Variants in CMSS1 observed in about 807,000 individuals in gnomAD.
CMSS1 encodes the protein cms1 ribosomal small subunit homolog, also known as protein CMSS1.
In CMSS1, 33 loss-of-function variants were observed where a neutral mutation model predicts 43.5. The observed-to-expected ratio is 0.76, with a 90% confidence interval of 0.57 to 1.01. The LOEUF (loss-of-function observed/expected upper bound fraction) is 1.01. CMSS1 is among the 50% of genes least tolerant of loss of function. The pLI is 0.00. For synonymous variants in CMSS1, 115 were observed against 117.2 expected (o/e 0.98, Z 0.12); for missense variants, 313 against 326.4 (o/e 0.96, Z 0.32).
chr3:99,902,999 T>C (rs1286447014), intron 1 of CMSS1, among the ~76,000 whole-genome samples: 1 of 152,182 alleles, frequency 6.6e-6, no homozygotes, highest in Admixed American at 6.5e-5. Context: ...TGAGGTTTCA[T>C]GATTAAGGAT....
chr3:100,023,747 G>A (rs775176548), intron 1 of CMSS1, among the ~76,000 whole-genome samples: 2 of 152,100 alleles, frequency 1.3e-5, no homozygotes, highest in Non-Finnish European at 2.9e-5. Flanking sequence ...TCTCGCCATT[G>A]CAAACTAGTA....
intron 1 of CMSS1, among the ~76,000 whole-genome samples, chr3:99,978,793 G>A (rs937954983): frequency 2.6e-5 from 4 of 152,080 alleles, no homozygotes; most frequent in Non-Finnish European, 5.9e-5. Flanking sequence ...GCTGAGGCAC[G>A]AGAGTCACTT....
intron 1 of CMSS1, among the ~76,000 whole-genome samples, chr3:99,829,025 G>T (rs1046940215): frequency 6.6e-6 from 1 of 151,972 alleles, no homozygotes; most frequent in African/African-American, 2.4e-5. Flanking sequence ...CAGGGGCCTG[G>T]GGGTGTTTGT....
intron 1 of CMSS1, among the ~76,000 whole-genome samples, chr3:99,957,693 C>CTTTTTTTTTTTTTT (rs779350496): frequency 0.011 from 210 of 19,846 alleles, 35 homozygotes; most frequent in South Asian, 0.014. Flanking sequence ...TTCTTTCTTT[C>CTTTTTTTTTTTTTT]TTTTTTTTTT....
chr3:100,087,766 C>T (rs1289456308), intron 1 of CMSS1, among the ~76,000 whole-genome samples: 2 of 150,412 alleles, frequency 1.3e-5, no homozygotes, highest in Non-Finnish European at 2.9e-5. Flanking sequence ...GACTGTGCTT[C>T]TGGTATTGTA....
chr3:99,859,816 C>CT (rs1559663430), intron 1 of CMSS1, among the ~76,000 whole-genome samples: 2 of 152,120 alleles, frequency 1.3e-5, no homozygotes, highest in African/African-American at 4.8e-5. Context: ...GCTTTCCTCC[C>CT]TGCTTTTTCT....
intron 1 of CMSS1, among the ~76,000 whole-genome samples, chr3:100,003,270 C>T (rs1709894916): frequency 1.3e-5 from 2 of 152,188 alleles, no homozygotes; most frequent in South Asian, 4.1e-4. Flanking sequence ...TGGCAAGTTA[C>T]ACATTGACTC....
chr3:99,839,776 T>C (rs1396455188), intron 1 of CMSS1, among the ~76,000 whole-genome samples: 1 of 152,232 alleles, frequency 6.6e-6, no homozygotes, highest in Non-Finnish European at 1.5e-5. Context: ...GAAACAATTA[T>C]GCAACAAAAC....
chr3:100,021,866 C>A (rs1187370821), intron 1 of CMSS1, among the ~76,000 whole-genome samples: 3 of 148,920 alleles, frequency 2.0e-5, no homozygotes, highest in Non-Finnish European at 4.4e-5. Flanking sequence ...GGAAGAATAG[C>A]TGATACTTTA....
Position 99,904,050 on chromosome 3 carries a change from A to G in CMSS1, c.64+86007A>G, listed in dbSNP as rs566444944. Among the ~76,000 whole-genome samples, 4 of 152,314 alleles carry G rather than the reference A, an allele frequency of 2.6e-5. No individual in the cohort carries two copies. The East Asian group carries it at 5.8e-4, about 22-fold the overall frequency. Reference sequence around the variant, plus strand: ...CTTGTTTTTCTAAGCAAACACTCCTATTTCAGAATCTGATTGGACCTTAAA... The same window carrying G: ...CTTGTTTTTCTAAGCAAACACTCCTGTTTCAGAATCTGATTGGACCTTAAA... On this transcript the variant is annotated intron_variant, in intron 1 of 9. Coordinates refer to ENST00000421999, the MANE Select transcript of CMSS1 (RefSeq NM_032359.4).
intron 1 of CMSS1, among the ~76,000 whole-genome samples, chr3:100,031,621 C>A (rs977256666): frequency 2.0e-5 from 3 of 151,342 alleles, no homozygotes; most frequent in African/African-American, 7.3e-5. Flanking sequence ...CTCCTGTGTT[C>A]TTTTTTTTTA....
intron 1 of CMSS1, among the ~76,000 whole-genome samples, chr3:99,915,858 C>A (rs1706934147): frequency 6.6e-6 from 1 of 152,144 alleles, no homozygotes; most frequent in South Asian, 2.1e-4. Flanking sequence ...AACAATATGC[C>A]ACTTGAAAAC....
intron 1 of CMSS1, among the ~76,000 whole-genome samples, chr3:99,843,601 G>A (rs1385563466): frequency 6.6e-6 from 1 of 152,160 alleles, no homozygotes; most frequent in Non-Finnish European, 1.5e-5. Flanking sequence ...TTGAAAATAT[G>A]TTTAATACAC....
intron 1 of CMSS1, among the ~76,000 whole-genome samples, chr3:100,052,375 A>T (rs1009337098): frequency 2.0e-5 from 3 of 152,218 alleles, no homozygotes; most frequent in African/African-American, 7.2e-5. Context: ...TCCAGGGGGA[A>T]CTTTTGTTCC....
intron 1 of CMSS1, among the ~76,000 whole-genome samples, chr3:99,859,193 T>C (rs1451042145): frequency 2.6e-5 from 4 of 152,270 alleles, no homozygotes; most frequent in Non-Finnish European, 5.9e-5. Context: ...TCAGCTGACA[T>C]TTAATTCATT....
At chr3:99,970,688 G>C (rs538846923) in intron 1 of CMSS1, among the ~76,000 whole-genome samples, 29 of 152,314 alleles carry the variant, frequency 1.9e-4, no homozygotes, top group African/African-American at 7.0e-4. Context: ...AAGACATTCT[G>C]TATATGGGAT....
chr3:99,846,229 C>T (rs780214846), intron 1 of CMSS1, among the ~76,000 whole-genome samples: 1 of 152,190 alleles, frequency 6.6e-6, no homozygotes, highest in African/African-American at 2.4e-5. Context: ...TTATCTCTGC[C>T]TCTTTATCTG....
intron 1 of CMSS1, among the ~76,000 whole-genome samples, chr3:99,888,223 A>G (rs184827997): frequency 2.0e-3 from 301 of 152,228 alleles, no homozygotes; most frequent in African/African-American, 6.8e-3. Flanking sequence ...TAGCTGTCAG[A>G]GGGCCAGGCA....
rs527882567 is a variant in CMSS1 at position 99,910,268 on chromosome 3, T to C, written c.64+92225T>C. 1.5e-5 allele frequency among the ~76,000 whole-genome samples: 2 copies of C among 137,012 alleles called. 1 individual carries two copies. The highest frequency in any genetic ancestry group is 4.9e-4 in the South Asian group (2 of 4,056). 89.9% of individuals were successfully genotyped at this position (137,012 alleles called of 152,430 possible). Reference sequence around the variant, plus strand: ...AATAACTTCATCCAGTGAGTATGTTTACCTAAATGTGTCATCAAACTTCTC... The same window carrying C: ...AATAACTTCATCCAGTGAGTATGTTCACCTAAATGTGTCATCAAACTTCTC... On this transcript the variant is annotated intron_variant, in intron 1 of 9. Coordinates refer to ENST00000421999, the MANE Select transcript of CMSS1 (RefSeq NM_032359.4).
Sources: allele counts gnomAD v4.1 joint callset (sites outside exome capture counted in the v4.1 genomes callset), GRCh38; gene constraint gnomAD v4.1.1; transcripts MANE v1.5; gene names NCBI Gene and HGNC (gene_info 2026-07-23, HGNC 2026-07-21).